The following PPFIA2 variants were observed in gnomAD, a reference collection of about 807,000 sequenced individuals.
PPFIA2 encodes the protein liprin-alpha-2.
A neutral mutation model predicts 175.5 loss-of-function variants in PPFIA2; 46 were observed. That is an observed-to-expected ratio of 0.26 (90% CI 0.21 to 0.34). PPFIA2 has a LOEUF of 0.34. PPFIA2 is among the 10% of genes least tolerant of loss of function. The pLI is 1.00. For missense variants in PPFIA2, 1,179 were observed against 1,506.1 expected, an observed-to-expected ratio of 0.78 and a Z score of 3.60; for synonymous variants, 568 against 511.4, an observed-to-expected ratio of 1.11 and a Z score of -1.49.
intron 3 of PPFIA2, among the ~76,000 whole-genome samples, chr12:81,679,692 T>C (rs181758069): frequency 6.6e-6 from 1 of 152,058 alleles, no homozygotes; most frequent in East Asian, 1.9e-4. Context: ...AAGTTGTAAA[T>C]TGAATGTAAA....
chr12:81,709,306 C>G (rs1452467410), intron 3 of PPFIA2, among the ~76,000 whole-genome samples: 3 of 152,050 alleles, frequency 2.0e-5, no homozygotes, highest in South Asian at 2.1e-4. Flanking sequence ...CACCACTTCC[C>G]CTAATGTAGG....
chr12:81,361,133 T>C (rs948094709), intron 15 of PPFIA2, among the ~76,000 whole-genome samples: 4 of 151,666 alleles, frequency 2.6e-5, no homozygotes, highest in African/African-American at 9.7e-5. Context: ...AAATGTCACA[T>C]TGTTAGGCTG....
At chr12:81,714,600 G>A (rs1040246499) in intron 3 of PPFIA2, among the ~76,000 whole-genome samples, 2 of 150,992 alleles carry the variant, frequency 1.3e-5, no homozygotes, top group Non-Finnish European at 3.0e-5. Context: ...AGTGGTTATA[G>A]AAAGAAAAGG....
chr12:81,457,957 G>A, intron 4 of PPFIA2, 91 bp from the exon 5 acceptor site: 2 of 825,250 alleles, frequency 2.4e-6, no homozygotes, highest in South Asian at 1.8e-5. Flanking sequence ...AAAAGAATGG[G>A]GAAAAATGAC....
chr12:81,307,166 C>G (rs1274795758), intron 22 of PPFIA2, among the ~76,000 whole-genome samples: 1 of 152,134 alleles, frequency 6.6e-6, no homozygotes, highest in African/African-American at 2.4e-5. Flanking sequence ...TACAATTATC[C>G]TCTTCTCCTT....
At chr12:81,537,529 C>T (rs1035581383) in intron 4 of PPFIA2, among the ~76,000 whole-genome samples, 1 of 151,824 alleles carries the variant, frequency 6.6e-6, no homozygotes. Flanking sequence ...CTTGGATTCC[C>T]TCTTGCCCTT....
At chr12:81,263,475 ATAGAT>A in intron 30 of PPFIA2, 85 bp from the exon 31 acceptor site, 1 of 1,209,716 alleles carries the variant, frequency 8.3e-7, no homozygotes, top group Non-Finnish European at 1.2e-6. Flanking sequence ...AACATGTAAC[ATAGAT>A]TATTTACATT....
chr12:81,699,599 T>G (rs1262694641), intron 3 of PPFIA2, among the ~76,000 whole-genome samples: 2 of 151,864 alleles, frequency 1.3e-5, no homozygotes, highest in African/African-American at 2.4e-5. Context: ...TATATTTAGG[T>G]TAGTTAAGTA....
intron 4 of PPFIA2, among the ~76,000 whole-genome samples, chr12:81,542,739 G>C (rs2066410248): frequency 6.6e-6 from 1 of 151,990 alleles, no homozygotes; most frequent in Non-Finnish European, 1.5e-5. Context: ...CTTTTAAACA[G>C]CCTCTAGCCA....
intron 3 of PPFIA2, among the ~76,000 whole-genome samples, chr12:81,692,313 T>A (rs570280163): frequency 6.6e-6 from 1 of 152,098 alleles, no homozygotes. Context: ...CCCTAGCTGA[T>A]ACTTTGATTG....
At chr12:81,345,189 A>G (rs2058839565) in intron 18 of PPFIA2, among the ~76,000 whole-genome samples, 1 of 152,096 alleles carries the variant, frequency 6.6e-6, no homozygotes, top group South Asian at 2.1e-4. Flanking sequence ...GGCATCCTAA[A>G]ATCTTTCTCT....
chr12:81,709,619 T>C (rs1160770754), intron 3 of PPFIA2, among the ~76,000 whole-genome samples: 1 of 152,118 alleles, frequency 6.6e-6, no homozygotes, highest in Non-Finnish European at 1.5e-5. Context: ...CAAGGTTTTT[T>C]CTATTAAAAA....
At chr12:81,440,556 T>C (rs964712547) in intron 6 of PPFIA2, among the ~76,000 whole-genome samples, 1 of 152,096 alleles carries the variant, frequency 6.6e-6, no homozygotes. Context: ...TTCTCTGTTT[T>C]TTATTAATTA....
chr12:81,536,045 A>G (rs968287880), intron 4 of PPFIA2, among the ~76,000 whole-genome samples: 3 of 151,760 alleles, frequency 2.0e-5, no homozygotes, highest in African/African-American at 7.2e-5. Context: ...ATTCATTTTC[A>G]CACATCATCA....
intron 24 of PPFIA2, among the ~76,000 whole-genome samples, chr12:81,288,852 G>A (rs1490917216): frequency 6.6e-6 from 1 of 151,530 alleles, no homozygotes; most frequent in Non-Finnish European, 1.5e-5. Flanking sequence ...TTCAATAAAG[G>A]TTAAGGTTTA....
At chr12:81,702,169 C>T (rs1218543163) in intron 3 of PPFIA2, among the ~76,000 whole-genome samples, 1 of 151,340 alleles carries the variant, frequency 6.6e-6, no homozygotes, top group Non-Finnish European at 1.5e-5. Flanking sequence ...CCCCCACCAT[C>T]AATGACACTG....
In PPFIA2 at chr12:81,683,678, C is replaced by T. The variant is rs202003976; in HGVS notation, c.250-6834G>A. On this transcript the variant is annotated intron_variant, in intron 3 of 32. Coordinates refer to ENST00000549396, the MANE Select transcript of PPFIA2 (RefSeq NM_003625.5). ...TCAAAATTTGGCTTGTATCTCAAGG[C>T]CTTTGCCCATGCTTTTCCTGCTTCT... Among the ~76,000 whole-genome samples, 11 of 152,142 alleles carry T rather than the reference C, an allele frequency of 7.2e-5. No homozygotes were observed. The East Asian group carries it at 1.7e-3, about 24-fold the overall frequency.
At chr12:81,623,768 C>A (rs1429218240) in intron 4 of PPFIA2, among the ~76,000 whole-genome samples, 3 of 151,768 alleles carry the variant, frequency 2.0e-5, no homozygotes, top group Non-Finnish European at 4.4e-5. Context: ...AATTTTCCAC[C>A]TAAGATATAG....
At chr12:81,533,696 T>TATCC (rs749832001) in intron 4 of PPFIA2, among the ~76,000 whole-genome samples, 1 of 102,186 alleles carries the variant, frequency 9.8e-6, no homozygotes, top group Non-Finnish European at 2.0e-5. Flanking sequence ...TTCACAAATC[T>TATCC]ATCTATCTAT....
Sources: allele counts gnomAD v4.1 joint callset (sites outside exome capture counted in the v4.1 genomes callset), GRCh38; gene constraint gnomAD v4.1.1; transcripts MANE v1.5; gene names NCBI Gene and HGNC (gene_info 2026-07-23, HGNC 2026-07-21).